The following FETUB variants were observed in gnomAD, a reference collection of about 807,000 sequenced individuals.
FETUB encodes the protein fetuin-B.
In FETUB, 28 loss-of-function variants were observed where a neutral mutation model predicts 30.9. The ratio of observed to expected loss-of-function variants is 0.90; its 90% CI spans 0.67 to 1.24. The LOEUF is 1.24. Among genes scored for constraint, FETUB ranks in the 50% most tolerant of loss-of-function variants. FETUB has a pLI of 0.00. For synonymous variants in FETUB, 186 were observed against 175.9 expected (o/e 1.06, Z -0.45); for missense variants, 469 against 455.3 (o/e 1.03, Z -0.27).
intron 5 of FETUB, among the ~76,000 whole-genome samples, chr3:186,648,497 T>C (rs1364006859): frequency 6.6e-6 from 1 of 152,244 alleles, no homozygotes; most frequent in Non-Finnish European, 1.5e-5. Context: ...CTCATGCTGA[T>C]TTTAGGACCA....
rs1241901633 is a variant in FETUB, at chr3:186,642,484, G to A, written c.350G>A (p.Cys117Tyr). 8 of 1,602,996 alleles carry A rather than the reference G, an allele frequency of 5.0e-6. No individual in the cohort carries two copies. Among genetic ancestry groups the A allele is most frequent in the Non-Finnish European group, 6.0e-6 (7 of 1,170,796 alleles). ...TGTTGGTTTCAGGTTTATGGTCAATGCAAAGCAATATTTTATATGAACAAC... is the reference window on the plus strand; with the variant it reads ...TGTTGGTTTCAGGTTTATGGTCAATACAAAGCAATATTTTATATGAACAAC... ...RIFFESVYGQCKAIFYMNNPS... is the reference protein window; with the variant it reads ...RIFFESVYGQYKAIFYMNNPS... The change falls in exon 3 of 7, where the codon TGC (cysteine) becomes TAC (tyrosine). Residue 117 changes from cysteine to tyrosine, a missense_variant. Cys to Tyr is a radical substitution (Grantham distance 194). Coordinates refer to ENST00000265029, the MANE Select transcript of FETUB (RefSeq NM_014375.3).
At chr3:186,646,596 C>T (rs1016872201) in intron 5 of FETUB, among the ~76,000 whole-genome samples, 1 of 152,184 alleles carries the variant, frequency 6.6e-6, no homozygotes, top group Non-Finnish European at 1.5e-5. Context: ...TGGGTAATGG[C>T]CCTGCTTCAG....
intron 5 of FETUB, chr3:186,647,197 T>C (rs569202844): frequency 6.6e-6 from 1 of 152,258 alleles, no homozygotes; most frequent in Non-Finnish European, 1.5e-5. Context: ...CTTTGCATAA[T>C]TTATTATGCA....
chr3:186,646,014 C>T (rs1444550442), intron 4 of FETUB, among the ~76,000 whole-genome samples: 3 of 152,130 alleles, frequency 2.0e-5, no homozygotes, highest in East Asian at 1.9e-4. Flanking sequence ...CGTAAGCCAC[C>T]GTGCCCAGCC....
intron 3 of FETUB, 79 bp from the exon 4 acceptor site, chr3:186,644,672 C>G: frequency 8.7e-7 from 1 of 1,147,608 alleles, no homozygotes; most frequent in East Asian, 2.4e-5. Context: ...ACTTCCTCAC[C>G]CCATCCTTGC....
chr3:186,649,099 A>G (rs1717780960), intron 5 of FETUB, among the ~76,000 whole-genome samples: 1 of 152,210 alleles, frequency 6.6e-6, no homozygotes, highest in Non-Finnish European at 1.5e-5. Flanking sequence ...AATCCTAGCT[A>G]GGGTGGGAGT....
rs189137781 is a variant in FETUB, at chr3:186,646,287, A to C, written c.634A>C (p.Lys212Gln). 352 of 1,614,026 alleles carry C rather than the reference A, an allele frequency of 2.2e-4. 6 individuals are homozygous for C. In the South Asian group the frequency reaches 3.5e-3, roughly 16 times the overall value. ...TTCTTACTTTGTGGAATACTTAATTAAAGAATCACCATGTACTAAATCCCA... is the reference window on the plus strand; with the variant it reads ...TTCTTACTTTGTGGAATACTTAATTCAAGAATCACCATGTACTAAATCCCA... ...GPSYFVEYLI[K>Q]ESPCTKSQAS... Residue 212 changes from lysine to glutamine, a missense_variant, in exon 5 of 7, where the codon AAA (lysine) becomes CAA (glutamine). Physicochemically the swap from Lys to Gln is moderately conservative, Grantham distance 53. Transcript: ENST00000265029.
chr3:186,647,980 G>A (rs567660647), intron 5 of FETUB, among the ~76,000 whole-genome samples: 1 of 151,266 alleles, frequency 6.6e-6, no homozygotes, highest in East Asian at 1.9e-4. Flanking sequence ...AAATAATCTT[G>A]AACAACAACA....
chr3:186,649,469 T>C (rs543340576), intron 5 of FETUB, among the ~76,000 whole-genome samples: 15 of 152,218 alleles, frequency 9.9e-5, no homozygotes, highest in African/African-American at 3.6e-4. Flanking sequence ...TTTTGTTTTT[T>C]GTTTTTTTTT....
In FETUB at chr3:186,640,958, GT is replaced by G. The variant is rs370875450; in HGVS notation, c.226-65del. 47 of 983,952 alleles carry G rather than the reference GT, an allele frequency of 4.8e-5. No homozygotes were observed. The South Asian group carries it at 5.0e-4, about 11-fold the overall frequency. 61.0% of individuals were successfully genotyped at this position (983,952 alleles called of 1,614,324 possible). A position where few individuals can be genotyped will look rare whatever the true frequency, so the allele number is the denominator to read the frequency against. On this transcript the variant is annotated intron_variant, in intron 1 of 6. Coordinates refer to ENST00000265029, the MANE Select transcript of FETUB (RefSeq NM_014375.3). ...TCTTTGGCTTTGCCATAAAGCAGGG[GT>G]TTTTTTGTGTGGTCTTTCTAGGTTT...
chr3:186,636,579 ATT>A (rs371453916), upstream of FETUB, among the ~76,000 whole-genome samples: 215 of 152,240 alleles, frequency 1.4e-3, 3 homozygotes, highest in African/African-American at 4.8e-3. Context: ...TTTTCCACAC[ATT>A]GTCTAAATAT....
chr3:186,652,321 A>C lies in FETUB; in HGVS notation c.839A>C (p.Lys280Thr). 6.2e-7 allele frequency: 1 copy of C among 1,603,880 alleles called. No homozygotes were observed. The highest frequency in any genetic ancestry group is 8.5e-7 in the Non-Finnish European group (1 of 1,176,806). ...AVNQKPTNLP[K>T]VEESQQKNTP... ...AACCAGAAACCTACAAACCTTCCCA[A>C]GGTGGAAGAATCCCAGCAGAAAAAC... The change falls in exon 7 of 7, where the codon AAG becomes ACG. Residue 280 changes from lysine (K) to threonine (T), a missense_variant. By Grantham distance (78) the Lys-to-Thr change is moderately conservative. Transcript: ENST00000265029.
At chr3:186,636,415 C>A (rs1032402616), upstream of FETUB, among the ~76,000 whole-genome samples, 3 of 152,196 alleles carry the variant, frequency 2.0e-5, no homozygotes, top group Non-Finnish European at 4.4e-5. Context: ...CTTGGACAGA[C>A]CTGATGAGTG....
chr3:186,638,957 G>C (rs1293082421), upstream of FETUB, among the ~76,000 whole-genome samples: 1 of 152,142 alleles, frequency 6.6e-6, no homozygotes, highest in Admixed American at 6.5e-5. Flanking sequence ...CACAGAGCTG[G>C]GATCTTTAGA....
intron 4 of FETUB, 123 bp from the exon 5 acceptor site, chr3:186,646,125 A>G: frequency 1.5e-6 from 1 of 678,050 alleles, no homozygotes; most frequent in Non-Finnish European, 2.7e-6. Flanking sequence ...GGAACAACAG[A>G]TATGTGCCTT....
At chr3:186,650,374 G>T (rs1717924688) in intron 5 of FETUB, among the ~76,000 whole-genome samples, 1 of 151,864 alleles carries the variant, frequency 6.6e-6, no homozygotes, top group South Asian at 2.1e-4. Flanking sequence ...CCTCTTCTAG[G>T]AATTTATTCT....
chr3:186,648,050 A>T (rs1251497846), intron 5 of FETUB, among the ~76,000 whole-genome samples: 1 of 152,186 alleles, frequency 6.6e-6, no homozygotes, highest in African/African-American at 2.4e-5. Flanking sequence ...AAGGTACAGT[A>T]CTTAAGACAG....
upstream of FETUB, among the ~76,000 whole-genome samples, chr3:186,636,719 A>G (rs956906268): frequency 3.9e-5 from 6 of 152,148 alleles, no homozygotes; most frequent in African/African-American, 7.2e-5. Context: ...TACTATCCCA[A>G]TGACAGAGGA....
chr3:186,640,630 A>G lies in FETUB; in HGVS notation c.170A>G (p.Lys57Arg), dbSNP rs145796461. ...CTGCGGGATATTAACAAAGACAGAA[A>G]GGATGGCTATGTGCTGAGACTCAAC... ...FALRDINKDR[K>R]DGYVLRLNRV... Residue 57 changes from lysine to arginine, a missense_variant, in exon 1 of 7, where the codon AAG (lysine) becomes AGG (arginine). Physicochemically the swap from Lys to Arg is conservative, Grantham distance 26. Coordinates refer to ENST00000265029, the MANE Select transcript of FETUB (RefSeq NM_014375.3). 1.5e-5 allele frequency: 24 copies of G among 1,614,086 alleles called. No individual in the cohort carries two copies. The highest frequency in any genetic ancestry group is 2.0e-5 in the Non-Finnish European group (24 of 1,180,028).
Sources: allele counts gnomAD v4.1 joint callset (sites outside exome capture counted in the v4.1 genomes callset), GRCh38; gene constraint gnomAD v4.1.1; transcripts MANE v1.5; gene names NCBI Gene and HGNC (gene_info 2026-07-23, HGNC 2026-07-21).